CDK5RAP2: variants seen among roughly 807,000 people sequenced by gnomAD.
CDK5RAP2 encodes the protein CDK5 regulatory subunit-associated protein 2.
In CDK5RAP2, 147 loss-of-function variants were observed where a neutral mutation model predicts 232.9. That is an observed-to-expected ratio of 0.63 (90% confidence interval 0.55 to 0.72). The LOEUF (loss-of-function observed/expected upper bound fraction) is 0.72. Among genes scored for constraint, CDK5RAP2 ranks in the 30% least tolerant of loss-of-function variants. The pLI, the probability that CDK5RAP2 is intolerant of heterozygous loss-of-function variation, is 0.00. For synonymous variants in CDK5RAP2, 833 were observed against 833.7 expected, an observed-to-expected ratio of 1.00 and a Z score of 0.01; for missense variants, 2,195 against 2,231.5, an observed-to-expected ratio of 0.98 and a Z score of 0.33.
intron 14 of CDK5RAP2, among the ~76,000 whole-genome samples, chr9:120,486,208 C>A (rs1433311977): frequency 2.6e-5 from 4 of 152,124 alleles, no homozygotes; most frequent in Non-Finnish European, 5.9e-5. Flanking sequence ...CAGGAGCAGG[C>A]CTCCAGGTCC....
Position 120,529,160 on chromosome 9 carries a change from A to G in CDK5RAP2, c.826-363T>C, listed in dbSNP as rs544642102. 6.2e-4 allele frequency among the ~76,000 whole-genome samples: 95 copies of G among 152,388 alleles called. 1 individual carries two copies. The highest frequency in any genetic ancestry group is 1.8e-4 in the Non-Finnish European group (12 of 68,042). ...GATGAAAACGAACTGGCAAGGCCACAGCATCCACTGCTGTGGTAGGAGCAC... is the reference window on the plus strand; with the variant it reads ...GATGAAAACGAACTGGCAAGGCCACGGCATCCACTGCTGTGGTAGGAGCAC... On this transcript the variant is annotated intron_variant, in intron 8 of 37. Coordinates refer to ENST00000349780, the MANE Select transcript of CDK5RAP2 (RefSeq NM_018249.6).
intron 4 of CDK5RAP2, among the ~76,000 whole-genome samples, chr9:120,549,119 G>A (rs1479008717): frequency 5.3e-5 from 8 of 149,624 alleles, no homozygotes; most frequent in Non-Finnish European, 8.8e-5. Flanking sequence ...TTGTGCCACT[G>A]CACTCCAGCC....
intron 31 of CDK5RAP2, chr9:120,407,491 C>G: frequency 1.8e-6 from 1 of 552,596 alleles, no homozygotes; most frequent in African/African-American, 1.9e-5. Context: ...AAAAGCCTAG[C>G]AAATTGCACA....
intron 28 of CDK5RAP2, among the ~76,000 whole-genome samples, chr9:120,413,046 AT>A (rs2033948681): frequency 6.6e-6 from 1 of 152,172 alleles, no homozygotes; most frequent in South Asian, 2.1e-4. Context: ...AGTTACTGCT[AT>A]TACCATTTGT....
At chr9:120,561,848 C>T (rs1030696092) in intron 3 of CDK5RAP2, among the ~76,000 whole-genome samples, 6 of 152,198 alleles carry the variant, frequency 3.9e-5, no homozygotes, top group Non-Finnish European at 5.9e-5. Flanking sequence ...AAGTGATTCA[C>T]AGTCAACTGT....
intron 12 of CDK5RAP2, among the ~76,000 whole-genome samples, chr9:120,503,655 C>T (rs2039679164): frequency 6.6e-6 from 1 of 152,190 alleles, no homozygotes; most frequent in South Asian, 2.1e-4. Context: ...TGAGTGTTTC[C>T]TTTCCGGTAA....
rs754310940 is a variant in CDK5RAP2, at chr9:120,439,733, T to C, written c.3388A>G (p.Ile1130Val). ...TGGGAGTGCTTTTGAAGCTGAAATA[T>C]GAAATTCTGGTAGCCTTCCAGCTCA... ...ETELEGYQNF[I>V]FQLQKHSQCS... The change falls in exon 24 of 38, where the codon ATA becomes GTA. Residue 1130 changes from isoleucine to valine, a missense_variant. Transcript: ENST00000349780. 10 of 1,614,126 alleles carry C rather than the reference T, an allele frequency of 6.2e-6. No homozygotes were observed. The highest frequency in any genetic ancestry group is 4.0e-5 in the African/African-American group (3 of 74,950).
rs1434629521 is a variant in CDK5RAP2, at chr9:120,404,037, T to C, written c.5040A>G (p.Ser1680=). The C allele has an allele frequency of 6.2e-7, 1 of 1,605,738 alleles. No individual in the cohort carries two copies. The highest frequency in any genetic ancestry group is 8.5e-7 in the Non-Finnish European group (1 of 1,172,300). Residue 1680 remains serine, a splice_region_variant and synonymous_variant, in exon 33 of 38, where the codon TCA becomes TCG. Coordinates refer to ENST00000349780, the MANE Select transcript of CDK5RAP2 (RefSeq NM_018249.6). Reference sequence around the variant, plus strand: ...GTTACCTGGACTTCAGCTTTGTACCTGATTTTGGTGTCACTGCCTGGGAGG... The same window carrying C: ...GTTACCTGGACTTCAGCTTTGTACCCGATTTTGGTGTCACTGCCTGGGAGG... ...FDSSQAVTPK[S]VSETPPLSGN... is the part of the protein sequence containing the mutation.
At chr9:120,492,010 C>A (rs1317207369) in intron 12 of CDK5RAP2, among the ~76,000 whole-genome samples, 1 of 150,902 alleles carries the variant, frequency 6.6e-6, no homozygotes, top group Non-Finnish European at 1.5e-5. Flanking sequence ...TCTTCATAAT[C>A]AGGAAAAAAA....
intron 6 of CDK5RAP2, among the ~76,000 whole-genome samples, chr9:120,538,593 G>C (rs1277084035): frequency 6.6e-6 from 1 of 152,172 alleles, no homozygotes; most frequent in Non-Finnish European, 1.5e-5. Context: ...GTAGCCTAAA[G>C]GTCAGAGTCT....
intron 28 of CDK5RAP2, among the ~76,000 whole-genome samples, chr9:120,413,823 AGGAG>A (rs201665530): frequency 5.5e-5 from 6 of 108,718 alleles, no homozygotes; most frequent in Non-Finnish European, 7.4e-5. Flanking sequence ...GGGAGGAGGG[AGGAG>A]GGAGGAGGGA....
chr9:120,569,782 T>TG (rs1216246767), intron 2 of CDK5RAP2, among the ~76,000 whole-genome samples: 1 of 152,168 alleles, frequency 6.6e-6, no homozygotes, highest in African/African-American at 2.4e-5. Flanking sequence ...GCTGCCTTTC[T>TG]GAGAACAGAC....
intron 1 of CDK5RAP2, 146 bp downstream of exon 1, chr9:120,579,774 C>T (rs1341549149): frequency 7.5e-6 from 5 of 666,892 alleles, no homozygotes; most frequent in Non-Finnish European, 1.1e-5. Context: ...GGTGGGCCCC[C>T]CAGAGACCCT....
In CDK5RAP2 at chr9:120,453,873, C is replaced by T; in HGVS notation, c.2376G>A (p.Arg792=). The change falls in exon 21 of 38, where the codon AGG becomes AGA. Residue 792 remains arginine, a splice_region_variant and synonymous_variant. Coordinates refer to ENST00000349780, the MANE Select transcript of CDK5RAP2 (RefSeq NM_018249.6). ...CCCGTACCACTTTCAGAAGGTCTGGCCTGTTTTTCCAAAAGGGAAGGAAGT... is the reference window on the plus strand; with the variant it reads ...CCCGTACCACTTTCAGAAGGTCTGGTCTGTTTTTCCAAAAGGGAAGGAAGT... ...NEKATLLLES[R]PDLLKVVREL... is the part of the protein sequence containing the mutation. 6.2e-7 allele frequency: 1 copy of T among 1,614,178 alleles called. No individual in the cohort carries two copies.
chr9:120,403,062 G>A lies in CDK5RAP2; in HGVS notation c.5051C>T (p.Thr1684Ile). 6.2e-7 allele frequency: 1 copy of A among 1,614,036 alleles called. No homozygotes were observed. Among genetic ancestry groups the A allele is most frequent in the Non-Finnish European group, 8.5e-7 (1 of 1,179,886 alleles). Reference protein sequence around the residue: ...QAVTPKSVSETPPLSGNDTDS... With the variant: ...QAVTPKSVSEIPPLSGNDTDS... ...CGTGTCATTCCCAGAGAGTGGAGGA[G>A]TCTCTGAAACTGTAAAATGAGAAGT... The change falls in exon 34 of 38, where the codon ACT becomes ATT. Residue 1684 changes from threonine to isoleucine, a missense_variant. By Grantham distance (89) the Thr-to-Ile change is moderately conservative (BLOSUM62 -1). Transcript: ENST00000349780. This position sits in a 1 kb window ranked among gnomAD's most constrained non-coding sequence, Gnocchi z 4.2.
chr9:120,536,468 T>TTC lies in CDK5RAP2; in HGVS notation c.564_565dup (p.Lys189ArgfsTer15), dbSNP rs2131964849. 3.7e-6 allele frequency: 6 copies of TTC among 1,614,170 alleles called. No individual in the cohort carries two copies. Among genetic ancestry groups the TTC allele is most frequent in the Non-Finnish European group, 5.1e-6 (6 of 1,180,000 alleles). On this transcript the variant is annotated frameshift_variant, in exon 7 of 38. Transcript: ENST00000349780. LOFTEE classifies it high-confidence loss of function. ...GCTTTCCAAACGCAACCGAAGAGCCTTCTCCGTCTCTGTCCCTGCAAAGGC... is the reference window on the plus strand; with the variant it reads ...GCTTTCCAAACGCAACCGAAGAGCCTTCTCTCCGTCTCTGTCCCTGCAAAGGC...
intron 12 of CDK5RAP2, among the ~76,000 whole-genome samples, chr9:120,494,281 G>A (rs2039049887): frequency 6.6e-6 from 1 of 152,152 alleles, no homozygotes; most frequent in Non-Finnish European, 1.5e-5. Context: ...CACTCCAGTA[G>A]TAATGAGGAT....
At position 120,458,478 on chromosome 9, in the gene CDK5RAP2, C is replaced by A; in HGVS notation, c.2347G>T (p.Glu783Ter). ...FINLLAPLFN[E>*]KATLLLESRP... ...GATTCCAGTAATAATGTGGCCTTCT[C>A]ATTGAACAAAGGGGCAAGCAGGTTT... The change falls in exon 20 of 38, where the codon GAG becomes TAG. Residue 783 changes from glutamate (E) to a stop codon, truncating the protein, a stop_gained. Coordinates refer to ENST00000349780, the MANE Select transcript of CDK5RAP2 (RefSeq NM_018249.6). LOFTEE classifies it high-confidence loss of function. 6.2e-7 allele frequency: 1 copy of A among 1,614,156 alleles called. No homozygotes were observed. The highest frequency in any genetic ancestry group is 1.3e-5 in the African/African-American group (1 of 75,028).
At position 120,411,493 on chromosome 9, in the gene CDK5RAP2, A is replaced by ACCATTGTGG; in HGVS notation, c.4298-20_4298-19insCCACAATGG. 7.5e-7 allele frequency: 1 copy of ACCATTGTGG among 1,341,480 alleles called. No homozygotes were observed. The highest frequency in any genetic ancestry group is 1.1e-6 in the Non-Finnish European group (1 of 932,714). The allele number at this position is 1,341,480 out of a possible 1,614,324, so 83.1% of individuals were successfully genotyped here. A position where few individuals can be genotyped will look rare whatever the true frequency, so the allele number is the denominator to read the frequency against. On this transcript the variant is annotated intron_variant, in intron 28 of 37. Coordinates refer to ENST00000349780, the MANE Select transcript of CDK5RAP2 (RefSeq NM_018249.6). Reference sequence around the variant, plus strand: ...GTAGAACCTATAAAAACACACATAAAAACTGATTTATAAACAGTCTCCAGA... The same window carrying ACCATTGTGG: ...GTAGAACCTATAAAAACACACATAAACCATTGTGGAACTGATTTATAAACAGTCTCCAGA...
Sources: gnomAD v4.1 joint callset for allele counts (sites outside exome capture counted in the v4.1 genomes callset) on GRCh38, gnomAD v4.1.1 for gene constraint, Gnocchi (gnomAD v3.1) non-coding constraint, MANE v1.5 for transcripts, NCBI Gene and HGNC (gene_info 2026-07-23, HGNC 2026-07-21) for gene names.